The following KCNK13 variants were observed in gnomAD, a reference collection of about 807,000 sequenced individuals.
The protein encoded by KCNK13 is potassium two pore domain channel subfamily K member 13.
Under a neutral mutation model 23.4 loss-of-function variants are expected in KCNK13, and 12 were observed. The ratio of observed to expected loss-of-function variants is 0.51; its 90% CI spans 0.33 to 0.83. KCNK13 has a LOEUF of 0.83. Among genes scored for constraint, KCNK13 ranks in the 40% least tolerant of loss-of-function variants. The pLI is 0.02. For missense variants in KCNK13, 463 were observed against 556.3 expected (o/e 0.83, Z 1.69); for synonymous variants, 231 against 229.5 (o/e 1.01, Z -0.06).
intron 1 of KCNK13, among the ~76,000 whole-genome samples, chr14:90,100,750 G>A (rs1007282684): frequency 7.2e-5 from 11 of 152,220 alleles, no homozygotes; most frequent in South Asian, 2.1e-4. Flanking sequence ...GGAGTGCAGC[G>A]GTATGATCAC....
intron 1 of KCNK13, among the ~76,000 whole-genome samples, chr14:90,139,714 C>T (rs151026818): frequency 2.0e-3 from 299 of 152,294 alleles, no homozygotes; most frequent in African/African-American, 6.9e-3. Flanking sequence ...GTAATCCCAG[C>T]ACTTTGGGAG....
At chr14:90,145,228 C>CA (rs1035249314) in intron 1 of KCNK13, among the ~76,000 whole-genome samples, 1 of 151,770 alleles carries the variant, frequency 6.6e-6, no homozygotes, top group Non-Finnish European at 1.5e-5. Context: ...GGCAATATGG[C>CA]AAAAAATACA....
At chr14:90,129,334 C>T (rs1442310601) in intron 1 of KCNK13, among the ~76,000 whole-genome samples, 1 of 152,116 alleles carries the variant, frequency 6.6e-6, no homozygotes, top group African/African-American at 2.4e-5. Context: ...CAGATGTCTC[C>T]TAGAGGCACA....
intron 1 of KCNK13, among the ~76,000 whole-genome samples, chr14:90,180,964 C>A (rs1890478188): frequency 1.3e-5 from 2 of 152,232 alleles, no homozygotes; most frequent in African/African-American, 4.8e-5. Context: ...TCAAGTGATT[C>A]TCCTGCCACA....
At chr14:90,096,882 C>G (rs970176559) in intron 1 of KCNK13, among the ~76,000 whole-genome samples, 44 of 152,160 alleles carry the variant, frequency 2.9e-4, no homozygotes, top group African/African-American at 9.9e-4. Flanking sequence ...TCAGTTGAAA[C>G]AACTAACGAT....
chr14:90,130,153 T>C (rs1889850025), intron 1 of KCNK13, among the ~76,000 whole-genome samples: 1 of 151,942 alleles, frequency 6.6e-6, no homozygotes, highest in Non-Finnish European at 1.5e-5. Flanking sequence ...TATCACATGC[T>C]AGAACTGGAA....
chr14:90,078,812 G>A (rs1163539277), intron 1 of KCNK13, among the ~76,000 whole-genome samples: 1 of 152,186 alleles, frequency 6.6e-6, no homozygotes. Context: ...GGGCTGTTTG[G>A]GAAGAGATCA....
intron 1 of KCNK13, among the ~76,000 whole-genome samples, chr14:90,125,717 A>G (rs547267278): frequency 2.0e-5 from 3 of 152,080 alleles, no homozygotes; most frequent in Non-Finnish European, 4.4e-5. Flanking sequence ...TGATTTGAAC[A>G]ACAGAATAAG....
At position 90,178,321 on chromosome 14, in the gene KCNK13, C is replaced by T. The variant is rs964914659; in HGVS notation, c.335-5790C>T. 2.7e-5 allele frequency among the ~76,000 whole-genome samples: 4 copies of T among 148,720 alleles called. 1 individual carries two copies. The highest frequency in any genetic ancestry group is 4.2e-4 in the South Asian group (2 of 4,756). On this transcript the variant is annotated intron_variant, in intron 1 of 1. Coordinates refer to ENST00000282146, the MANE Select transcript of KCNK13 (RefSeq NM_022054.4). ...TTTTATTTTTTTTGAGATGGAGTCT[C>T]GCTCTTGTTGCCCAGGCTAGAGTGC...
chr14:90,081,177 C>G (rs143666465), intron 1 of KCNK13, among the ~76,000 whole-genome samples: 5 of 152,342 alleles, frequency 3.3e-5, no homozygotes, highest in African/African-American at 1.2e-4. Flanking sequence ...TTGGGAAGTT[C>G]TAGGCCAAAG....
At chr14:90,094,337 T>C (rs1469696993) in intron 1 of KCNK13, among the ~76,000 whole-genome samples, 1 of 152,188 alleles carries the variant, frequency 6.6e-6, no homozygotes, top group Non-Finnish European at 1.5e-5. Context: ...ATAACACTTG[T>C]CTAGTGTTTG....
rs558666058 is a variant in KCNK13 at position 90,182,548 on chromosome 14, A to T, written c.335-1563A>T. The stretch of plus-strand genomic sequence containing the variant: ...AAAATAAGGAAAAACTGGGTTGGGT[A>T]TGGTGGCTTATGCCCGTAATCCCAG... On this transcript the variant is annotated intron_variant, in intron 1 of 1. Coordinates refer to ENST00000282146, the MANE Select transcript of KCNK13 (RefSeq NM_022054.4). Among the ~76,000 whole-genome samples the T allele has an allele frequency of 4.6e-5, 7 of 152,306 alleles. No individual in the cohort carries two copies. The East Asian group carries it at 1.4e-3, about 29-fold the overall frequency.
At chr14:90,156,944 C>T (rs1005660513) in intron 1 of KCNK13, among the ~76,000 whole-genome samples, 4 of 152,078 alleles carry the variant, frequency 2.6e-5, no homozygotes, top group Non-Finnish European at 4.4e-5. Context: ...TATACTTTCT[C>T]GTGTTGCATA....
chr14:90,130,353 C>A (rs1251125534), intron 1 of KCNK13, among the ~76,000 whole-genome samples: 1 of 151,834 alleles, frequency 6.6e-6, no homozygotes, highest in Non-Finnish European at 1.5e-5. Context: ...GCACGCACCA[C>A]CACGCCCGGC....
intron 1 of KCNK13, among the ~76,000 whole-genome samples, chr14:90,065,655 G>A (rs1888998541): frequency 6.6e-6 from 1 of 152,192 alleles, no homozygotes. Flanking sequence ...CACCTGTCAG[G>A]AATTGGTTAA....
Position 90,062,392 on chromosome 14 carries a change from G to C in KCNK13, c.187G>C (p.Gly63Arg), listed in dbSNP as rs1485559223. 6.5e-7 allele frequency: 1 copy of C among 1,548,674 alleles called. No individual in the cohort carries two copies. Among genetic ancestry groups the C allele is most frequent in the Non-Finnish European group, 8.7e-7 (1 of 1,146,984 alleles). The part of the protein sequence containing the change: ...WEERLANFSR[G>R]HNLSRDELRG... ...GGAGCGCCTGGCCAACTTCAGCCGC[G>C]GCCACAACCTGAGCCGCGACGAGCT... is the stretch of plus-strand genomic sequence containing the variant. Residue 63 changes from glycine to arginine, a missense_variant, in exon 1 of 2, where the codon GGC becomes CGC. Physicochemically the swap from Gly to Arg is moderately radical, Grantham distance 125. This residue lies in a region of KCNK13 where 153 missense variants were observed against 153.6 expected (regional missense o/e 1.00). Coordinates refer to ENST00000282146, the MANE Select transcript of KCNK13 (RefSeq NM_022054.4). The surrounding 1 kb of genome is among the most constrained non-coding windows in gnomAD (Gnocchi z 4.5).
At chr14:90,069,242 G>A (rs1170420594) in intron 1 of KCNK13, among the ~76,000 whole-genome samples, 1 of 151,988 alleles carries the variant, frequency 6.6e-6, no homozygotes, top group Non-Finnish European at 1.5e-5. Context: ...TCACCATGTT[G>A]GTCAGGCTGG....
At chr14:90,087,978 T>C (rs1198242999) in intron 1 of KCNK13, among the ~76,000 whole-genome samples, 1 of 152,190 alleles carries the variant, frequency 6.6e-6, no homozygotes, top group Non-Finnish European at 1.5e-5. Context: ...TGCTACTTCT[T>C]GCTTAAGTTT....
At chr14:90,084,648 GA>G (rs1413390250) in intron 1 of KCNK13, among the ~76,000 whole-genome samples, 5 of 152,078 alleles carry the variant, frequency 3.3e-5, no homozygotes, top group African/African-American at 7.2e-5. Context: ...TGCTTGACTA[GA>G]ACTCCCACTG....
Sources: allele counts gnomAD v4.1 joint callset (sites outside exome capture counted in the v4.1 genomes callset), GRCh38; gene constraint gnomAD v4.1.1; regional missense constraint gnomAD v4.1.1; non-coding constraint Gnocchi (gnomAD v3.1); transcripts MANE v1.5; gene names NCBI Gene and HGNC (gene_info 2026-07-23, HGNC 2026-07-21).